DAB1: variants seen among roughly 807,000 people sequenced by gnomAD.
DAB1 encodes the protein disabled homolog 1.
A neutral mutation model predicts 64.6 loss-of-function variants in DAB1; 15 were observed. The observed-to-expected ratio is 0.23, with a 90% confidence interval of 0.16 to 0.36. The LOEUF (loss-of-function observed/expected upper bound fraction) is 0.36. Among genes scored for constraint, DAB1 ranks in the 10% least tolerant of loss-of-function variants. DAB1 has a pLI of 1.00. For synonymous variants in DAB1, 235 were observed against 251.9 expected (o/e 0.93, Z 0.64); for missense variants, 596 against 706.7 (o/e 0.84, Z 1.78).
In DAB1 at chr1:57,161,603, A is replaced by G. The variant is rs61767494; in HGVS notation, c.68-16174T>C. Among the ~76,000 whole-genome samples the G allele has an allele frequency of 4.2e-3, 637 of 152,320 alleles. 6 individuals carry two copies. The highest frequency in any genetic ancestry group is 0.014 in the Admixed American group (207 of 15,302). ...AGGAGTGAATATGACCTTTTTTCCA[A>G]ATAAAAAATAACAAATGTATTTTTA... On this transcript the variant is annotated intron_variant, in intron 2 of 14. Coordinates refer to ENST00000371236, the MANE Select transcript of DAB1 (RefSeq NM_001365792.1).
At chr1:57,449,559 TG>T (rs1238500182) in intron 7 of DAB1, among the ~76,000 whole-genome samples, 1 of 152,030 alleles carries the variant, frequency 6.6e-6, no homozygotes, top group Non-Finnish European at 1.5e-5. Context: ...TTTTATTTTT[TG>T]TAGAGATGGG....
At chr1:58,389,098 G>A (rs909345432) in intron 3 of DAB1, among the ~76,000 whole-genome samples, 3 of 152,098 alleles carry the variant, frequency 2.0e-5, no homozygotes, top group Non-Finnish European at 4.4e-5. Context: ...ATGAAAACAC[G>A]TGCTTTCCAG....
intron 7 of DAB1, among the ~76,000 whole-genome samples, chr1:57,645,233 C>T (rs954200173): frequency 5.9e-5 from 9 of 152,222 alleles, no homozygotes; most frequent in East Asian, 3.9e-4. Flanking sequence ...AATCTAGTCA[C>T]GTTGGTATAT....
chr1:58,225,383 C>A (rs1488804800), intron 4 of DAB1, among the ~76,000 whole-genome samples: 17 of 151,962 alleles, frequency 1.1e-4, no homozygotes, highest in Admixed American at 7.2e-4. Context: ...ACTAGTTCAA[C>A]CATTGTGGAA....
intron 5 of DAB1, among the ~76,000 whole-genome samples, chr1:58,033,289 C>T (rs1312634874): frequency 6.6e-6 from 1 of 152,072 alleles, no homozygotes; most frequent in East Asian, 1.9e-4. Flanking sequence ...CTCAAGAAGC[C>T]CCTCACTACA....
At chr1:57,720,725 A>T (rs914200657) in intron 6 of DAB1, among the ~76,000 whole-genome samples, 8 of 151,956 alleles carry the variant, frequency 5.3e-5, no homozygotes, top group Non-Finnish European at 1.0e-4. Flanking sequence ...TTATTTATTT[A>T]TTTTTCTTGT....
intron 9 of DAB1, among the ~76,000 whole-genome samples, chr1:57,048,332 C>T (rs1648789405): frequency 6.6e-6 from 1 of 152,192 alleles, no homozygotes; most frequent in Non-Finnish European, 1.5e-5. Context: ...AGGGAAGTAG[C>T]TCTTTTCATC....
chr1:57,752,980 A>G (rs1175556567), intron 6 of DAB1, among the ~76,000 whole-genome samples: 1 of 152,204 alleles, frequency 6.6e-6, no homozygotes, highest in African/African-American at 2.4e-5. Flanking sequence ...CTGCAACTGG[A>G]TTACAAGCAA....
chr1:58,219,066 A>AT (rs1033462502), intron 4 of DAB1, among the ~76,000 whole-genome samples: 1 of 148,282 alleles, frequency 6.7e-6, no homozygotes, highest in East Asian at 2.0e-4. Context: ...ATACAGATAC[A>AT]TTTTTTCTTA....
chr1:57,255,668 A>G (rs1669708061), intron 2 of DAB1, among the ~76,000 whole-genome samples: 1 of 152,160 alleles, frequency 6.6e-6, no homozygotes, highest in Admixed American at 6.5e-5. Flanking sequence ...CAAAAAATAA[A>G]CAAACAAAAA....
intron 1 of DAB1, among the ~76,000 whole-genome samples, chr1:57,316,677 T>C (rs751608177): frequency 5.3e-5 from 8 of 152,066 alleles, no homozygotes; most frequent in African/African-American, 1.7e-4. Flanking sequence ...AAGTTGAAGA[T>C]TGGCCAAAGT....
At chr1:57,346,661 C>G (rs900085874) in intron 1 of DAB1, among the ~76,000 whole-genome samples, 1 of 152,250 alleles carries the variant, frequency 6.6e-6, no homozygotes, top group Admixed American at 6.5e-5. Flanking sequence ...TCACTGTTCT[C>G]TAGAAGCTGG....
At chr1:57,058,678 G>C (rs925198607) in intron 9 of DAB1, among the ~76,000 whole-genome samples, 1 of 152,182 alleles carries the variant, frequency 6.6e-6, no homozygotes, top group Admixed American at 6.5e-5. Context: ...TCAGAACTCA[G>C]TGAATTTGGT....
intron 9 of DAB1, among the ~76,000 whole-genome samples, chr1:57,046,999 A>T (rs1648578389): frequency 6.6e-6 from 1 of 152,200 alleles, no homozygotes; most frequent in Non-Finnish European, 1.5e-5. Flanking sequence ...GCTGATATTT[A>T]TGCCTATTGC....
chr1:58,301,976 C>T (rs1178157889), intron 4 of DAB1, among the ~76,000 whole-genome samples: 3 of 152,094 alleles, frequency 2.0e-5, no homozygotes, highest in Admixed American at 6.5e-5. Flanking sequence ...TCACTTAATT[C>T]TCACCACCAC....
At chr1:57,679,378 C>G (rs1646610014) in intron 6 of DAB1, among the ~76,000 whole-genome samples, 1 of 152,148 alleles carries the variant, frequency 6.6e-6, no homozygotes, top group African/African-American at 2.4e-5. Flanking sequence ...CTAAAGGCAC[C>G]TATTAACTGT....
chr1:57,330,957 C>T (rs1362824234), intron 1 of DAB1, among the ~76,000 whole-genome samples: 2 of 152,144 alleles, frequency 1.3e-5, no homozygotes, highest in Non-Finnish European at 2.9e-5. Flanking sequence ...AGCATCATTT[C>T]TCTGTAAATA....
chr1:57,904,770 G>C (rs548137210), intron 5 of DAB1, among the ~76,000 whole-genome samples: 105 of 152,290 alleles, frequency 6.9e-4, no homozygotes, highest in African/African-American at 2.2e-3. Flanking sequence ...AGCCAGCGCA[G>C]CTTAAGGATG....
At chr1:57,533,414 G>A (rs1171685579) in intron 7 of DAB1, among the ~76,000 whole-genome samples, 1 of 150,120 alleles carries the variant, frequency 6.7e-6, no homozygotes, top group East Asian at 2.0e-4. Flanking sequence ...ACTTTTTAAT[G>A]CTTTCCCAAA....
Sources: allele counts gnomAD v4.1 joint callset (sites outside exome capture counted in the v4.1 genomes callset), GRCh38; gene constraint gnomAD v4.1.1; transcripts MANE v1.5; gene names NCBI Gene and HGNC (gene_info 2026-07-23, HGNC 2026-07-21).